The following ATL3 variants were observed in gnomAD, a reference collection of about 807,000 sequenced individuals.
ATL3 encodes the protein atlastin-3.
A neutral mutation model predicts 69.5 loss-of-function variants in ATL3; 49 were observed. The ratio of observed to expected loss-of-function variants is 0.71; its 90% CI spans 0.56 to 0.89. The LOEUF is 0.89. Among genes scored for constraint, ATL3 ranks in the 40% least tolerant of loss-of-function variants. The probability of loss-of-function intolerance (pLI) is 0.00; values close to 1 mark genes in which losing one functional copy is unlikely to be tolerated. For missense variants in ATL3, 606 were observed against 645.7 expected (o/e 0.94, Z 0.67); for synonymous variants, 214 against 224.1 (o/e 0.95, Z 0.40).
intron 3 of ATL3, among the ~76,000 whole-genome samples, chr11:63,655,813 C>CAA (rs1940224916): frequency 6.6e-6 from 1 of 151,978 alleles, no homozygotes; most frequent in African/African-American, 2.4e-5. Context: ...TAGGAGTCTC[C>CAA]AAAGGGAGTA....
intron 1 of ATL3, among the ~76,000 whole-genome samples, chr11:63,669,936 G>A (rs906237780): frequency 6.7e-6 from 1 of 150,280 alleles, no homozygotes; most frequent in Non-Finnish European, 1.5e-5. Context: ...TAGCAAAAAC[G>A]AAACTCCGTC....
intron 1 of ATL3, among the ~76,000 whole-genome samples, chr11:63,667,785 CAG>C (rs1426046668): frequency 6.7e-6 from 1 of 149,548 alleles, no homozygotes; most frequent in East Asian, 2.0e-4. Flanking sequence ...AAAAAAATGA[CAG>C]TGTAGACTAG....
chr11:63,642,019 T>A (rs1027559416), intron 8 of ATL3, among the ~76,000 whole-genome samples: 1 of 152,116 alleles, frequency 6.6e-6, no homozygotes, highest in African/African-American at 2.4e-5. Flanking sequence ...TGAGTTCAGG[T>A]TGGGAAAAGT....
intron 2 of ATL3, 23 bp from the exon 3 acceptor site, chr11:63,658,927 T>C: frequency 6.3e-7 from 1 of 1,584,556 alleles, no homozygotes; most frequent in Admixed American, 1.9e-5. Context: ...GAAATTTCTA[T>C]TAAATCTTAA....
rs1191596558 is a variant in ATL3, at chr11:63,647,194, TA to T, written c.562-632del. On this transcript the variant is annotated intron_variant, in intron 5 of 12. Coordinates refer to ENST00000398868, the MANE Select transcript of ATL3 (RefSeq NM_015459.5). ...AATAATATTTCCTACTTCGTGTCTT[TA>T]AAAAAAAATTTTTTTTTTTGAGACA... Among the ~76,000 whole-genome samples, 6 of 152,054 alleles carry T rather than the reference TA, an allele frequency of 3.9e-5. No individual in the cohort carries two copies. In the South Asian group the frequency reaches 8.3e-4, roughly 21 times the overall value.
Position 63,631,132 on chromosome 11 carries a change from C to T in ATL3, c.1447G>A (p.Ala483Thr). The part of the protein sequence containing the change: ...FNCMVGLLLI[A>T]LLTWGYIRYS... ...CTGATGTAGCCCCAGGTGAGGAGTG[C>T]TATTAACAGTAGTCCAACCATACAG... The change falls in exon 12 of 13, where the codon GCA (alanine) becomes ACA (threonine). Residue 483 changes from alanine to threonine, a missense_variant. Ala to Thr is a moderately conservative substitution (Grantham distance 58). Transcript: ENST00000398868. The T allele has an allele frequency of 1.2e-5, 20 of 1,614,180 alleles. No homozygotes were observed. The highest frequency in any genetic ancestry group is 1.6e-5 in the Non-Finnish European group (19 of 1,180,032).
At chr11:63,669,442 G>A (rs1940703054) in intron 1 of ATL3, among the ~76,000 whole-genome samples, 1 of 152,044 alleles carries the variant, frequency 6.6e-6, no homozygotes, top group Admixed American at 6.6e-5. Context: ...GGCTGCGGCA[G>A]GAGAATCGCT....
At chr11:63,659,771 C>A (rs1940365504) in intron 1 of ATL3, among the ~76,000 whole-genome samples, 1 of 151,904 alleles carries the variant, frequency 6.6e-6, no homozygotes, top group Non-Finnish European at 1.5e-5. Context: ...CCCATCTCTA[C>A]CAACAAATAC....
rs1939146847 is a variant in ATL3 at position 63,627,345 on chromosome 11, G to C, written c.*1974C>G. On this transcript the variant is annotated 3_prime_UTR_variant, in exon 13 of 13. Coordinates refer to ENST00000398868, the MANE Select transcript of ATL3 (RefSeq NM_015459.5). The stretch of plus-strand genomic sequence containing the variant: ...CTGATAAATGCAAGTAAACAAGCTG[G>C]AATTTTTCTAAAGTGTAACAGCAGT... The C allele has an allele frequency of 6.6e-6, 1 of 152,122 alleles. No homozygotes were observed. The highest frequency in any genetic ancestry group is 1.9e-4 in the East Asian group (1 of 5,192). The allele number at this position is 152,122 out of a possible 1,614,324, so 9.4% of individuals were successfully genotyped here.
rs1025879100 is a variant in ATL3, at chr11:63,627,420, A to C, written c.*1899T>G. 1 of 152,250 alleles carries C rather than the reference A, an allele frequency of 6.6e-6. No homozygotes were observed. Among genetic ancestry groups the C allele is most frequent in the South Asian group, 2.1e-4 (1 of 4,836 alleles). 9.4% of individuals were successfully genotyped at this position (152,250 alleles called of 1,614,324 possible). On this transcript the variant is annotated 3_prime_UTR_variant, in exon 13 of 13. Transcript: ENST00000398868. Reference sequence around the variant, plus strand: ...CAAGATGGCATATAAATATGAAACAATATGCTGCGAATTTAGGACTTACAA... The same window carrying C: ...CAAGATGGCATATAAATATGAAACACTATGCTGCGAATTTAGGACTTACAA...
At chr11:63,668,351 C>A (rs984148063) in intron 1 of ATL3, among the ~76,000 whole-genome samples, 1 of 152,016 alleles carries the variant, frequency 6.6e-6, no homozygotes, top group African/African-American at 2.4e-5. Context: ...GGTGTGGTTC[C>A]TTCTGGTGGT....
At chr11:63,632,416 GGT>G in intron 11 of ATL3, 1 of 841,172 alleles carries the variant, frequency 1.2e-6, no homozygotes, top group Non-Finnish European at 2.1e-6. Context: ...TATCCAAAGA[GGT>G]GACATTGTGA....
intron 5 of ATL3, among the ~76,000 whole-genome samples, chr11:63,647,472 C>T (rs1405056819): frequency 1.3e-5 from 2 of 152,162 alleles, no homozygotes; most frequent in Admixed American, 1.3e-4. Flanking sequence ...GGATTACAGG[C>T]GTGAGCCACC....
rs1939512405 is a variant in ATL3 at position 63,636,262 on chromosome 11, T to C, written c.923A>G (p.Glu308Gly). The C allele has an allele frequency of 6.2e-7, 1 of 1,614,050 alleles. No individual in the cohort carries two copies. Among genetic ancestry groups the C allele is most frequent in the South Asian group, 1.1e-5 (1 of 91,082 alleles). Residue 308 changes from glutamate to glycine, a missense_variant, in exon 9 of 13, where the codon GAA (glutamate) becomes GGA (glycine). Physicochemically the swap from Glu to Gly is moderately conservative, Grantham distance 98. Coordinates refer to ENST00000398868, the MANE Select transcript of ATL3 (RefSeq NM_015459.5). ...PYVLNPSKLM[E>G]KEINGSKVTC... is the part of the protein sequence containing the mutation. ...GACCTTTGAGCCATTGATCTCCTTT[T>C]CCATTAACTTAGATGGGTTTAATAC...
intron 11 of ATL3, 113 bp downstream of exon 11, chr11:63,632,913 G>A (rs1308692181): frequency 1.0e-6 from 1 of 976,952 alleles, no homozygotes; most frequent in African/African-American, 1.6e-5. Context: ...CTGAATATAA[G>A]TTTATTGCCT....
At chr11:63,637,455 G>T (rs1004660894) in intron 8 of ATL3, among the ~76,000 whole-genome samples, 3 of 151,992 alleles carry the variant, frequency 2.0e-5, no homozygotes, top group African/African-American at 7.3e-5. Context: ...AGAAGTACCT[G>T]TGCCTCATTA....
chr11:63,667,155 G>A (rs1381849258), intron 1 of ATL3, among the ~76,000 whole-genome samples: 2 of 152,078 alleles, frequency 1.3e-5, no homozygotes, highest in Non-Finnish European at 2.9e-5. Context: ...ACTGATCAAC[G>A]TAGTGTATAC....
intron 1 of ATL3, among the ~76,000 whole-genome samples, chr11:63,667,023 C>T (rs554320089): frequency 1.2e-4 from 19 of 152,308 alleles, no homozygotes; most frequent in Middle Eastern, 3.4e-3. Flanking sequence ...AAGATTGCAA[C>T]GCAGTTCTTA....
chr11:63,667,105 T>C (rs1332152497), intron 1 of ATL3, among the ~76,000 whole-genome samples: 1 of 152,200 alleles, frequency 6.6e-6, no homozygotes, highest in Non-Finnish European at 1.5e-5. Flanking sequence ...ATCCACACTG[T>C]ATATGCTACC....
Sources: allele counts gnomAD v4.1 joint callset (sites outside exome capture counted in the v4.1 genomes callset), GRCh38; gene constraint gnomAD v4.1.1; transcripts MANE v1.5; gene names NCBI Gene and HGNC (gene_info 2026-07-23, HGNC 2026-07-21).